The following ANXA8 variants were observed in gnomAD, a reference collection of about 807,000 sequenced individuals.
The protein encoded by ANXA8 is annexin A8.
Under a neutral mutation model 26.8 loss-of-function variants are expected in ANXA8, and 9 were observed. The ratio of observed to expected loss-of-function variants is 0.34; its 90% confidence interval spans 0.20 to 0.59. The LOEUF (loss-of-function observed/expected upper bound fraction) is 0.59, where lower values mean the gene tolerates loss of function less well. Ranked by LOEUF, ANXA8 falls within the 20% of genes least tolerant of loss-of-function variation. The pLI is 0.84. For synonymous variants in ANXA8, 39 were observed against 94.8 expected (o/e 0.41, Z 3.42); for missense variants, 83 against 238.5 (o/e 0.35, Z 4.29).
At chr10:47,626,014 T>A in the ANXA8 span, among the ~76,000 whole-genome samples, 1 of 150,440 alleles carries the variant, frequency 6.6e-6, no homozygotes, top group Non-Finnish European at 1.5e-5. Flanking sequence ...ACGTAAAGTC[T>A]CCCAGGTTCA....
the ANXA8 span, chr10:47,502,205 G>A: frequency 1.8e-4 from 273 of 1,542,974 alleles, 44 homozygotes; most frequent in Non-Finnish European, 2.3e-4. Context: ...CCCGTCAGGA[G>A]CTGCTCCAGG....
chr10:47,894,550 A>C, the ANXA8 span, among the ~76,000 whole-genome samples: 1 of 142,122 alleles, frequency 7.0e-6, no homozygotes, highest in Non-Finnish European at 1.5e-5. Flanking sequence ...CACAGAATAT[A>C]CCCCCCTCAC....
the ANXA8 span, among the ~76,000 whole-genome samples, chr10:47,762,247 A>G: frequency 5.1e-3 from 781 of 151,708 alleles, 12 homozygotes; most frequent in South Asian, 0.01. Flanking sequence ...GCAAGGCCCC[A>G]TTGCTGCTGG....
chr10:47,501,091 A>G, the ANXA8 span, among the ~76,000 whole-genome samples: 17 of 143,280 alleles, frequency 1.2e-4, no homozygotes, highest in Admixed American at 5.6e-4. Context: ...TTTAGCAGAG[A>G]TGGGGTTTCA....
chr10:47,639,320 T>TATTATTATTATTA, the ANXA8 span, among the ~76,000 whole-genome samples: 3 of 96,330 alleles, frequency 3.1e-5, no homozygotes, highest in East Asian at 6.7e-4. Context: ...TATTATTTTT[T>TATTATTATTATTA]TTTTTTTTTT....
chr10:47,572,610 AG>A, the ANXA8 span, among the ~76,000 whole-genome samples: 9 of 149,904 alleles, frequency 6.0e-5, no homozygotes, highest in African/African-American at 2.2e-4. Flanking sequence ...CCAGCTACTC[AG>A]GAGGCTAAGG....
At chr10:47,558,529 ATGTGTGTGTGTGTGTGTGTG>A in the ANXA8 span, among the ~76,000 whole-genome samples, 7 of 141,490 alleles carry the variant, frequency 4.9e-5, no homozygotes, top group Non-Finnish European at 7.7e-5. Context: ...GGGTTTTAAG[ATGTGTGTGTGTGTGTGTGTG>A]TGTGTGTGTG....
the ANXA8 span, among the ~76,000 whole-genome samples, chr10:47,497,926 G>A: frequency 6.6e-6 from 1 of 152,136 alleles, no homozygotes; most frequent in South Asian, 2.1e-4. Context: ...GCAATAGAGT[G>A]AGGGATCTCA....
chr10:47,689,767 A>G, the ANXA8 span: 5 of 1,585,160 alleles, frequency 3.2e-6, no homozygotes, highest in Non-Finnish European at 4.3e-6. Flanking sequence ...ACTGAAAATG[A>G]CAGTATCAGA....
chr10:47,978,438 T>TG, the ANXA8 span, among the ~76,000 whole-genome samples: 9 of 132,082 alleles, frequency 6.8e-5, no homozygotes, highest in Admixed American at 8.0e-5. Context: ...AATTCTTTTC[T>TG]TATCCTATCT....
At chr10:47,674,750 T>C in the ANXA8 span, among the ~76,000 whole-genome samples, 1 of 151,838 alleles carries the variant, frequency 6.6e-6, no homozygotes, top group East Asian at 1.9e-4. Context: ...AATATTAGTA[T>C]GGACTTATGG....
the ANXA8 span, among the ~76,000 whole-genome samples, chr10:47,717,777 C>T: frequency 2.0e-5 from 3 of 151,014 alleles, no homozygotes; most frequent in Non-Finnish European, 4.4e-5. Context: ...GTGGGTGGAT[C>T]ATTTGAGGTC....
the ANXA8 span, among the ~76,000 whole-genome samples, chr10:47,709,556 C>T: frequency 6.7e-6 from 1 of 148,390 alleles, no homozygotes; most frequent in East Asian, 1.9e-4. Flanking sequence ...GACATAGTAA[C>T]TGAAGAATTA....
the ANXA8 span, among the ~76,000 whole-genome samples, chr10:47,905,632 G>A: frequency 6.6e-5 from 10 of 150,670 alleles, no homozygotes; most frequent in Admixed American, 5.3e-4. Context: ...ATTTAAGAAG[G>A]GAAGCCAGAA....
chr10:47,653,613 G>A, the ANXA8 span, among the ~76,000 whole-genome samples: 1 of 150,184 alleles, frequency 6.7e-6, no homozygotes, highest in South Asian at 2.1e-4. Flanking sequence ...CTAGAGCTCA[G>A]GAAAGATGTG....
chr10:47,589,537 G>C, the ANXA8 span: 1 of 146,234 alleles, frequency 6.8e-6, no homozygotes, highest in Non-Finnish European at 1.5e-5. Context: ...TCAGAATCAG[G>C]CTTGTTCTGC....
chr10:47,566,322 A>G, the ANXA8 span, among the ~76,000 whole-genome samples: 120,333 of 148,516 alleles, frequency 0.81, 48,981 homozygotes, highest in African/African-American at 0.85. Context: ...CCCGCCCCAG[A>G]AAACACTGCT....
the ANXA8 span, among the ~76,000 whole-genome samples, chr10:47,695,871 T>C: frequency 1.3e-4 from 20 of 151,944 alleles, no homozygotes; most frequent in African/African-American, 4.3e-4. Flanking sequence ...CTCTTTCCAG[T>C]TGGAAAATGT....
At chr10:47,744,894 C>T in the ANXA8 span, among the ~76,000 whole-genome samples, 1 of 151,972 alleles carries the variant, frequency 6.6e-6, no homozygotes, top group Non-Finnish European at 1.5e-5. Flanking sequence ...TGTCCTGTAA[C>T]TTCTAGCTAT....
Sources: gnomAD v4.1 joint callset for allele counts (sites outside exome capture counted in the v4.1 genomes callset) on GRCh38, gnomAD v4.1.1 for gene constraint, MANE v1.5 for transcripts, NCBI Gene and HGNC (gene_info 2026-07-23, HGNC 2026-07-21) for gene names.